Variants in SPECC1L observed in about 807,000 individuals in gnomAD.
The protein encoded by SPECC1L is cytospin-A.
A neutral mutation model predicts 116.8 loss-of-function variants in SPECC1L; 40 were observed. That is an observed-to-expected ratio of 0.34 (90% CI 0.27 to 0.45). The LOEUF (loss-of-function observed/expected upper bound fraction) is 0.45. Ranked by LOEUF, SPECC1L falls within the 20% of genes least tolerant of loss-of-function variation. The pLI is 1.00. For synonymous variants in SPECC1L, 504 were observed against 500.6 expected (o/e 1.01, Z -0.09); for missense variants, 1,110 against 1,373.6 (o/e 0.81, Z 3.03).
chr22:24,365,702 T>C (rs2041749097), intron 13 of SPECC1L, 70 bp downstream of exon 13: 1 of 1,561,954 alleles, frequency 6.4e-7, no homozygotes, highest in Non-Finnish European at 8.8e-7. Flanking sequence ...AATGATCAAG[T>C]TGTAAAATGA....
intron 3 of SPECC1L, among the ~76,000 whole-genome samples, chr22:24,312,274 T>C (rs2040477476): frequency 6.6e-6 from 1 of 152,236 alleles, no homozygotes; most frequent in Non-Finnish European, 1.5e-5. Flanking sequence ...CAGCCTTTTC[T>C]GCCTCTTTTT....
intron 1 of SPECC1L, among the ~76,000 whole-genome samples, chr22:24,271,480 G>A (rs1304907184): frequency 6.6e-6 from 1 of 152,278 alleles, no homozygotes; most frequent in African/African-American, 2.4e-5. Flanking sequence ...TGCTTCTGCT[G>A]TGGCCGGCGC....
chr22:24,311,091 T>C lies in SPECC1L; in HGVS notation c.154-2222T>C, dbSNP rs114943737. Among the ~76,000 whole-genome samples the C allele has an allele frequency of 4.0e-3, 614 of 152,306 alleles. 7 individuals are homozygous for C. The highest frequency in any genetic ancestry group is 0.014 in the African/African-American group (573 of 41,572). ...AAATATGCAGTTTCTTTATGGACTC[T>C]GTTTCACTAGTTTATTCTTGTTCCA... On this transcript the variant is annotated intron_variant, in intron 3 of 16. Coordinates refer to ENST00000314328, the MANE Select transcript of SPECC1L (RefSeq NM_015330.6).
intron 2 of SPECC1L, among the ~76,000 whole-genome samples, chr22:24,288,651 A>G (rs1360323996): frequency 4.3e-5 from 3 of 69,128 alleles, no homozygotes; most frequent in African/African-American, 1.9e-4. Context: ...TTTTGGACAT[A>G]TCCTTGCTCT....
intron 14 of SPECC1L, among the ~76,000 whole-genome samples, chr22:24,408,211 C>T (rs2042628309): frequency 6.6e-6 from 1 of 152,196 alleles, no homozygotes; most frequent in Non-Finnish European, 1.5e-5. Flanking sequence ...CCAATGAGAT[C>T]AAAGAGATGA....
intron 14 of SPECC1L, among the ~76,000 whole-genome samples, chr22:24,382,400 G>A (rs992538010): frequency 1.3e-5 from 2 of 152,098 alleles, no homozygotes; most frequent in Non-Finnish European, 2.9e-5. Flanking sequence ...ATCCTAGGAA[G>A]AAGACAACCT....
intron 10 of SPECC1L, among the ~76,000 whole-genome samples, chr22:24,346,399 G>A (rs2041296478): frequency 6.6e-6 from 1 of 152,244 alleles, no homozygotes; most frequent in African/African-American, 2.4e-5. Flanking sequence ...ATGACAGGCT[G>A]TACTGGGCAG....
intron 10 of SPECC1L, among the ~76,000 whole-genome samples, chr22:24,345,090 C>T (rs1024243147): frequency 1.3e-5 from 2 of 151,876 alleles, no homozygotes; most frequent in Admixed American, 6.6e-5. Context: ...CGGGGGGGTG[C>T]GGGTGGAGGA....
intron 2 of SPECC1L, among the ~76,000 whole-genome samples, chr22:24,278,249 T>A (rs1185952837): frequency 6.6e-6 from 1 of 152,180 alleles, no homozygotes; most frequent in Non-Finnish European, 1.5e-5. Context: ...TAGTCCCAGC[T>A]ACATGGGAGG....
At chr22:24,345,195 A>G (rs1211776236) in intron 10 of SPECC1L, among the ~76,000 whole-genome samples, 1 of 152,220 alleles carries the variant, frequency 6.6e-6, no homozygotes, top group Non-Finnish European at 1.5e-5. Flanking sequence ...AAAGATACCA[A>G]AGTAATTCAA....
Position 24,299,900 on chromosome 22 carries a change from A to T in SPECC1L, c.-37-2295A>T, listed in dbSNP as rs1461729099. Reference sequence around the variant, plus strand: ...AGCCAGCCTCTATACTCCCTACCCCAACCCCTGGCAATCACTTATATTCTT... The same window carrying T: ...AGCCAGCCTCTATACTCCCTACCCCTACCCCTGGCAATCACTTATATTCTT... On this transcript the variant is annotated intron_variant, in intron 2 of 16. Coordinates refer to ENST00000314328, the MANE Select transcript of SPECC1L (RefSeq NM_015330.6). Among the ~76,000 whole-genome samples, 12 of 152,254 alleles carry T rather than the reference A, an allele frequency of 7.9e-5. No homozygotes were observed. In the East Asian group the frequency reaches 2.3e-3, roughly 29 times the overall value.
chr22:24,344,423 G>C (rs2041247384), intron 10 of SPECC1L, among the ~76,000 whole-genome samples: 1 of 151,712 alleles, frequency 6.6e-6, no homozygotes, highest in Non-Finnish European at 1.5e-5. Context: ...AAACTCTTTA[G>C]CAAACTAGAA....
intron 3 of SPECC1L, among the ~76,000 whole-genome samples, chr22:24,303,031 T>C (rs2049413675): frequency 1.3e-5 from 2 of 152,180 alleles, no homozygotes; most frequent in Admixed American, 6.5e-5. Context: ...ATGAGATCTA[T>C]GTTGCCCAGG....
rs1206681641 is a variant in SPECC1L, at chr22:24,317,265, A to AC, written c.307+3807dup. On this transcript the variant is annotated intron_variant, in intron 4 of 16. Transcript: ENST00000314328. ...GGGCGGCTGGCCGGGCGGGGGGCTGACCCCCCCCACCTCCCTCCCGGACGG... is the reference window on the plus strand; with the variant it reads ...GGGCGGCTGGCCGGGCGGGGGGCTGACCCCCCCCCACCTCCCTCCCGGACGG... Among the ~76,000 whole-genome samples the AC allele has an allele frequency of 8.9e-4, 35 of 39,216 alleles. 3 individuals carry two copies. The highest frequency in any genetic ancestry group is 2.9e-3 in the African/African-American group (34 of 11,546). 25.7% of individuals were successfully genotyped at this position (39,216 alleles called of 152,430 possible).
At chr22:24,384,035 A>C (rs1484089564) in intron 14 of SPECC1L, among the ~76,000 whole-genome samples, 1 of 151,958 alleles carries the variant, frequency 6.6e-6, no homozygotes, top group Non-Finnish European at 1.5e-5. Flanking sequence ...TGAACACAGA[A>C]AAGACTTGTG....
chr22:24,293,196 C>T (rs1382240328), intron 2 of SPECC1L, among the ~76,000 whole-genome samples: 1 of 152,230 alleles, frequency 6.6e-6, no homozygotes, highest in Non-Finnish European at 1.5e-5. Context: ...TGGCTCATGC[C>T]TGTAATCTCA....
chr22:24,366,678 T>C (rs1291803997), intron 13 of SPECC1L, among the ~76,000 whole-genome samples: 2 of 152,180 alleles, frequency 1.3e-5, no homozygotes, highest in Non-Finnish European at 1.5e-5. Context: ...AATGCAAGAA[T>C]GGATGATATC....
In SPECC1L at chr22:24,281,839, C is replaced by T. The variant is rs542523283; in HGVS notation, c.-38+5036C>T. Among the ~76,000 whole-genome samples, 97 of 152,326 alleles carry T rather than the reference C, an allele frequency of 6.4e-4. 3 individuals are homozygous for T. In the South Asian group the frequency reaches 0.012, roughly 18 times the overall value. On this transcript the variant is annotated intron_variant, in intron 2 of 16. Transcript: ENST00000314328. ...TACATAATGAATAGAAGTGTAACTG[C>T]CCAATGGGTTCACCTTGCCCATTGC...
At chr22:24,282,931 C>T (rs960294119) in intron 2 of SPECC1L, among the ~76,000 whole-genome samples, 17 of 152,000 alleles carry the variant, frequency 1.1e-4, no homozygotes, top group Admixed American at 3.3e-4. Context: ...GTGTGCACCA[C>T]CATGCCTGGC....
Sources: allele counts gnomAD v4.1 joint callset (sites outside exome capture counted in the v4.1 genomes callset), GRCh38; gene constraint gnomAD v4.1.1; transcripts MANE v1.5; gene names NCBI Gene and HGNC (gene_info 2026-07-23, HGNC 2026-07-21).